CEP43: variants seen among roughly 807,000 people sequenced by gnomAD.
The protein encoded by CEP43 is FGFR1 oncogene partner.
In CEP43, 36 loss-of-function variants were observed where a neutral mutation model predicts 52.6. The observed-to-expected ratio is 0.68, with a 90% CI of 0.52 to 0.90. The LOEUF is 0.90. CEP43 is among the 40% of genes least tolerant of loss of function. CEP43 has a pLI of 0.00. For missense variants in CEP43, 506 were observed against 472.8 expected (o/e 1.07, Z -0.65); for synonymous variants, 192 against 172.4 (o/e 1.11, Z -0.89).
Position 167,026,359 on chromosome 6 carries a change from G to A in CEP43, c.920-188G>A, listed in dbSNP as rs115412850. On this transcript the variant is annotated intron_variant, in intron 9 of 12. Coordinates refer to ENST00000366847, the MANE Select transcript of CEP43 (RefSeq NM_007045.4). Reference sequence around the variant, plus strand: ...GCCTGAGTGACAGTGATGAGACTCCGTCTCAAAAAAAGGGTTGTGATGCAT... The same window carrying A: ...GCCTGAGTGACAGTGATGAGACTCCATCTCAAAAAAAGGGTTGTGATGCAT... 8.6e-3 allele frequency among the ~76,000 whole-genome samples: 1,306 copies of A among 152,138 alleles called. 14 individuals are homozygous for A. The highest frequency in any genetic ancestry group is 0.029 in the African/African-American group (1,223 of 41,518).
intron 7 of CEP43, among the ~76,000 whole-genome samples, chr6:167,020,782 G>A (rs147233022): frequency 0.018 from 2,795 of 151,990 alleles, 47 homozygotes; most frequent in East Asian, 0.091. Flanking sequence ...GGTGGCACGC[G>A]CCTGAAATCC....
In CEP43 at chr6:167,026,552, A is replaced by G. The variant is rs768838063; in HGVS notation, c.925A>G (p.Arg309Gly). 6.3e-7 allele frequency: 1 copy of G among 1,579,926 alleles called. No individual in the cohort carries two copies. Residue 309 changes from arginine to glycine, a missense_variant, in exon 10 of 13, where the codon AGG becomes GGG. Arg to Gly is a moderately radical substitution (Grantham distance 125, BLOSUM62 -2). Transcript: ENST00000366847. ...APSLKDSESK[R>G]GNTVLKDLKL... ...ATATTTTCTCCTGTTCACAGGTAAA[A>G]GGGGAAATACAGTTTTGAAAGATCT...
intron 11 of CEP43, among the ~76,000 whole-genome samples, chr6:167,033,612 T>C (rs1339497857): frequency 6.6e-6 from 1 of 152,170 alleles, no homozygotes; most frequent in East Asian, 1.9e-4. Context: ...ATTGTAAAAA[T>C]CTGGGTTTGT....
intron 5 of CEP43, among the ~76,000 whole-genome samples, chr6:167,006,454 G>A (rs1340516978): frequency 6.6e-6 from 1 of 152,174 alleles, no homozygotes. Flanking sequence ...GGCGGTGGCA[G>A]TGAGGCGAGG....
intron 7 of CEP43, among the ~76,000 whole-genome samples, chr6:167,017,318 A>G (rs1233355357): frequency 6.6e-6 from 1 of 152,208 alleles, no homozygotes; most frequent in African/African-American, 2.4e-5. Flanking sequence ...ATTTTAAAAT[A>G]ATGGTATACA....
rs538348206 is a variant in CEP43 at position 167,035,059 on chromosome 6, G to A, written c.1125+1088G>A. On this transcript the variant is annotated intron_variant, in intron 12 of 12. Coordinates refer to ENST00000366847, the MANE Select transcript of CEP43 (RefSeq NM_007045.4). ...AAACTAGGATTTGTGAAATGACGTG[G>A]GTTGAAGAGGAGGTGTGGCATCCCT... Among the ~76,000 whole-genome samples, 4 of 152,302 alleles carry A rather than the reference G, an allele frequency of 2.6e-5. No homozygotes were observed. In the South Asian group the frequency reaches 6.2e-4, roughly 24 times the overall value.
intron 6 of CEP43, 123 bp from the exon 7 acceptor site, chr6:167,013,385 A>G (rs772268828): frequency 9.7e-5 from 70 of 718,284 alleles, no homozygotes; most frequent in Non-Finnish European, 1.5e-4. Context: ...CTCACAGAAC[A>G]TATTAACTAG....
chr6:166,999,561 C>T, intron 1 of CEP43, 47 bp downstream of exon 1: 1 of 1,278,776 alleles, frequency 7.8e-7, no homozygotes, highest in Non-Finnish European at 1.0e-6. Flanking sequence ...GCAGGGCTTG[C>T]GTGGACAGCG....
chr6:167,028,284 A>G (rs910988211), intron 10 of CEP43: 1 of 985,260 alleles, frequency 1.0e-6, no homozygotes. Flanking sequence ...GAGAATTGTC[A>G]TCCTCAGGAG....
At chr6:167,028,089 C>CTGCCACCA in intron 10 of CEP43, 2 of 985,478 alleles carry the variant, frequency 2.0e-6, no homozygotes, top group African/African-American at 1.7e-5. Flanking sequence ...CAGTGGCTAA[C>CTGCCACCA]TGCCACCAGA....
chr6:167,041,831 GGGGGGC>G lies in CEP43; in HGVS notation c.*1859_*1864del. 2 of 964,776 alleles carry G rather than the reference GGGGGGC, an allele frequency of 2.1e-6. No individual in the cohort carries two copies. Among genetic ancestry groups the G allele is most frequent in the South Asian group, 4.9e-5 (1 of 20,466 alleles). The allele number at this position is 964,776 out of a possible 1,614,324, so 59.8% of individuals were successfully genotyped here. ...AGCACTACATACATCTTTTTTTTGC[GGGGGGC>G]GGGGGGGACAGAGTCTCACTGTGTC... On this transcript the variant is annotated 3_prime_UTR_variant, in exon 13 of 13. Transcript: ENST00000366847.
chr6:167,035,030 T>TGTTAAACTA, intron 12 of CEP43, among the ~76,000 whole-genome samples: 1 of 152,290 alleles, frequency 6.6e-6, no homozygotes, highest in Non-Finnish European at 1.5e-5. Context: ...AAGAAATGAC[T>TGTTAAACTA]GTTAAACTAG....
At position 167,042,059 on chromosome 6, in the gene CEP43, T is replaced by C. The variant is rs1304312665; in HGVS notation, c.*2081T>C. The C allele has an allele frequency of 2.5e-6, 2 of 812,882 alleles. No homozygotes were observed. Among genetic ancestry groups the C allele is most frequent in the African/African-American group, 3.8e-5 (2 of 52,894 alleles). The allele number at this position is 812,882 out of a possible 1,614,324, so 50.4% of individuals were successfully genotyped here. Reference sequence around the variant, plus strand: ...GGCTGGTCTTGAACTCCTGACCTCGTTCCTGCCTTAGCCTCCTAAAGTGCC... The same window carrying C: ...GGCTGGTCTTGAACTCCTGACCTCGCTCCTGCCTTAGCCTCCTAAAGTGCC... On this transcript the variant is annotated 3_prime_UTR_variant, in exon 13 of 13. Coordinates refer to ENST00000366847, the MANE Select transcript of CEP43 (RefSeq NM_007045.4).
rs141021547 is a variant in CEP43 at position 167,032,699 on chromosome 6, C to T, written c.1028+57C>T. 779 of 1,418,644 alleles carry T rather than the reference C, an allele frequency of 5.5e-4. 4 individuals carry two copies. The African/African-American group carries it at 0.01, about 19-fold the overall frequency. The allele number at this position is 1,418,644 out of a possible 1,614,324, so 87.9% of individuals were successfully genotyped here. Reference sequence around the variant, plus strand: ...ATATACGTTATTTGTAAACAATTTCCGAACACAGACAAGACAAAATTACAT... The same window carrying T: ...ATATACGTTATTTGTAAACAATTTCTGAACACAGACAAGACAAAATTACAT... On this transcript the variant is annotated intron_variant, in intron 11 of 12. Coordinates refer to ENST00000366847, the MANE Select transcript of CEP43 (RefSeq NM_007045.4).
Position 167,042,110 on chromosome 6 carries a change from C to G in CEP43, c.*2132C>G, listed in dbSNP as rs1401513435. On this transcript the variant is annotated 3_prime_UTR_variant, in exon 13 of 13. Coordinates refer to ENST00000366847, the MANE Select transcript of CEP43 (RefSeq NM_007045.4). ...GGGATTACAGGCGTGAACCACCGCA[C>G]CTGGCCAGTACTACATCCATTTTAT... is the stretch of plus-strand genomic sequence containing the variant. 9.9e-7 allele frequency: 1 copy of G among 1,007,360 alleles called. No individual in the cohort carries two copies. The highest frequency in any genetic ancestry group is 1.2e-6 in the Non-Finnish European group (1 of 842,112). 62.4% of individuals were successfully genotyped at this position (1,007,360 alleles called of 1,614,324 possible). A position where few individuals can be genotyped will look rare whatever the true frequency, so the allele number is the denominator to read the frequency against.
intron 5 of CEP43, among the ~76,000 whole-genome samples, chr6:167,009,660 C>A (rs552366159): frequency 2.1e-5 from 3 of 141,994 alleles, no homozygotes; most frequent in African/African-American, 8.0e-5. Context: ...AATGAAACTC[C>A]GTCTCAAAAA....
chr6:167,041,748 C>G lies in CEP43; in HGVS notation c.*1770C>G. The G allele has an allele frequency of 2.0e-6, 2 of 1,003,210 alleles. No individual in the cohort carries two copies. The highest frequency in any genetic ancestry group is 2.4e-6 in the Non-Finnish European group (2 of 846,138). 62.1% of individuals were successfully genotyped at this position (1,003,210 alleles called of 1,614,324 possible). On this transcript the variant is annotated 3_prime_UTR_variant, in exon 13 of 13. Coordinates refer to ENST00000366847, the MANE Select transcript of CEP43 (RefSeq NM_007045.4). ...CTTTTCTGTTACGCAGAGAATCAGA[C>G]CTTTTGATAATATTTGGGAGGGTAA... is the stretch of plus-strand genomic sequence containing the variant.
intron 12 of CEP43, among the ~76,000 whole-genome samples, chr6:167,037,331 G>A (rs895559522): frequency 1.2e-4 from 18 of 149,870 alleles, no homozygotes; most frequent in Non-Finnish European, 2.1e-4. Context: ...ACTCTTGTCT[G>A]TAGTTTAGCA....
intron 7 of CEP43, 71 bp from the exon 8 acceptor site, chr6:167,022,336 TTC>T: frequency 9.3e-7 from 1 of 1,074,370 alleles, no homozygotes; most frequent in Non-Finnish European, 1.4e-6. Flanking sequence ...CTCATGAGAC[TTC>T]TTTTATTATT....
Sources: allele counts gnomAD v4.1 joint callset (sites outside exome capture counted in the v4.1 genomes callset), GRCh38; gene constraint gnomAD v4.1.1; transcripts MANE v1.5; gene names NCBI Gene and HGNC (gene_info 2026-07-23, HGNC 2026-07-21).